The following SPINK5 variants were observed in gnomAD, a reference collection of about 807,000 sequenced individuals.
SPINK5 encodes serine protease inhibitor Kazal-type 5.
A neutral mutation model predicts 151.8 loss-of-function variants in SPINK5; 125 were observed. That is an observed-to-expected ratio of 0.82 (90% CI 0.71 to 0.96). The LOEUF is 0.96. Ranked by LOEUF, SPINK5 falls within the 40% of genes least tolerant of loss-of-function variation. The pLI, the probability that SPINK5 is intolerant of heterozygous loss-of-function variation, is 0.00. For missense variants in SPINK5, 1,194 were observed against 1,291.9 expected, an observed-to-expected ratio of 0.92 and a Z score of 1.16; for synonymous variants, 374 against 395.3, an observed-to-expected ratio of 0.95 and a Z score of 0.64.
At chr5:148,134,763 A>G (rs1754655839) in intron 32 of SPINK5, among the ~76,000 whole-genome samples, 1 of 152,090 alleles carries the variant, frequency 6.6e-6, no homozygotes. Flanking sequence ...TGATAAAATT[A>G]TGTGTAATAA....
chr5:148,119,163 C>G, intron 24 of SPINK5, 105 bp downstream of exon 24: 3 of 1,129,112 alleles, frequency 2.7e-6, no homozygotes, highest in Non-Finnish European at 4.0e-6. Context: ...TAGAGCTTGC[C>G]CTTAGAAGGT....
At chr5:148,066,010 T>C (rs1752574950) in intron 2 of SPINK5, among the ~76,000 whole-genome samples, 1 of 152,042 alleles carries the variant, frequency 6.6e-6, no homozygotes, top group Non-Finnish European at 1.5e-5. Flanking sequence ...GGAGGCATAA[T>C]AGGATCCCTG....
chr5:148,107,089 C>T lies in SPINK5; in HGVS notation c.1532C>T (p.Thr511Ile), dbSNP rs1561692539. 1.2e-6 allele frequency: 2 copies of T among 1,613,284 alleles called. No homozygotes were observed. Among genetic ancestry groups the T allele is most frequent in the Admixed American group, 1.7e-5 (1 of 59,982 alleles). ...GTGAGGAATGGAACACTTATATGCA[C>T]CAGGGAGCATAATCCTGTCCGTGGC... ...DQVRNGTLICTREHNPVRGPD... is the reference protein window; with the variant it reads ...DQVRNGTLICIREHNPVRGPD... Residue 511 changes from threonine to isoleucine, a missense_variant, in exon 17 of 33, where the codon ACC becomes ATC. By Grantham distance (89) the Thr-to-Ile change is moderately conservative (BLOSUM62 -1). Transcript: ENST00000256084.
intron 32 of SPINK5, among the ~76,000 whole-genome samples, chr5:148,136,747 A>G (rs541236629): frequency 1.3e-5 from 2 of 152,228 alleles, no homozygotes; most frequent in Non-Finnish European, 2.9e-5. Flanking sequence ...ATGTAATCAA[A>G]GGCAGAATTA....
In SPINK5 at chr5:148,106,815, C is replaced by T. The variant is rs561909384; in HGVS notation, c.1480-222C>T. ...CTTTTACAGACCATGCTATGCAACACAACACACACGTATGTTTTTGATGAT... is the reference window on the plus strand; with the variant it reads ...CTTTTACAGACCATGCTATGCAACATAACACACACGTATGTTTTTGATGAT... On this transcript the variant is annotated intron_variant, in intron 16 of 32. Transcript: ENST00000256084. 7.1e-4 allele frequency among the ~76,000 whole-genome samples: 108 copies of T among 152,230 alleles called. 1 individual carries two copies. Among genetic ancestry groups the T allele is most frequent in the Middle Eastern group, 3.4e-3 (1 of 294 alleles).
intron 32 of SPINK5, among the ~76,000 whole-genome samples, chr5:148,136,487 T>A (rs1041478676): frequency 6.6e-6 from 1 of 152,196 alleles, no homozygotes; most frequent in African/African-American, 2.4e-5. Context: ...AGATTATTTT[T>A]AAATATTCAT....
chr5:148,118,671 G>T, intron 23 of SPINK5, 107 bp downstream of exon 23: 7 of 1,488,756 alleles, frequency 4.7e-6, no homozygotes, highest in Non-Finnish European at 6.5e-6. Flanking sequence ...TATTCTTTTT[G>T]CTAATTTCCA....
In SPINK5 at chr5:148,119,075, GT is replaced by G; in HGVS notation, c.2313+21del. 1 of 1,612,974 alleles carries G rather than the reference GT, an allele frequency of 6.2e-7. No individual in the cohort carries two copies. The highest frequency in any genetic ancestry group is 8.5e-7 in the Non-Finnish European group (1 of 1,179,078). On this transcript the variant is annotated intron_variant, in intron 24 of 32. Coordinates refer to ENST00000256084, the MANE Select transcript of SPINK5 (RefSeq NM_006846.4). ...TCAGGGAAGGTGAGTTATTTTTTGG[GT>G]TTTGGCAAGAATCGTCTTTCTGTGA...
intron 3 of SPINK5, among the ~76,000 whole-genome samples, chr5:148,071,152 A>T (rs993123214): frequency 2.0e-4 from 31 of 152,222 alleles, no homozygotes; most frequent in African/African-American, 6.7e-4. Context: ...TTTGTTTTTG[A>T]AAAGGAAGGT....
intron 15 of SPINK5, among the ~76,000 whole-genome samples, chr5:148,102,433 A>C (rs1753672178): frequency 6.6e-6 from 1 of 152,144 alleles, no homozygotes; most frequent in Non-Finnish European, 1.5e-5. Flanking sequence ...CAACTATGTA[A>C]ATTGCTTGAT....
intron 4 of SPINK5, among the ~76,000 whole-genome samples, chr5:148,076,120 T>A (rs1022209947): frequency 6.6e-6 from 1 of 151,666 alleles, no homozygotes; most frequent in East Asian, 1.9e-4. Flanking sequence ...AATGCTGGAG[T>A]AGATGCAAAA....
intron 4 of SPINK5, among the ~76,000 whole-genome samples, chr5:148,074,208 C>T (rs1045544531): frequency 6.6e-6 from 1 of 151,778 alleles, no homozygotes; most frequent in Non-Finnish European, 1.5e-5. Flanking sequence ...TTTCCTCCTA[C>T]AGACATCCTC....
chr5:148,077,619 A>G (rs968924558), intron 4 of SPINK5, among the ~76,000 whole-genome samples: 18 of 135,648 alleles, frequency 1.3e-4, no homozygotes, highest in African/African-American at 4.9e-4. Context: ...GGCAACAATT[A>G]TAATGCTGTT....
At chr5:148,113,960 G>A (rs73271140) in intron 20 of SPINK5, among the ~76,000 whole-genome samples, 1,991 of 152,200 alleles carry the variant, frequency 0.013, 48 homozygotes, top group African/African-American at 0.045. Flanking sequence ...CATCCTCATT[G>A]AATTTCAACT....
At chr5:148,108,880 T>C in intron 18 of SPINK5, 43 bp downstream of exon 18, 1 of 1,607,670 alleles carries the variant, frequency 6.2e-7, no homozygotes, top group African/African-American at 1.3e-5. Context: ...TATTCAACGA[T>C]CACTCTCCCT....
chr5:148,124,230 C>T (rs1754370300), intron 27 of SPINK5, among the ~76,000 whole-genome samples: 1 of 152,160 alleles, frequency 6.6e-6, no homozygotes. Flanking sequence ...TGCAGAGCCT[C>T]AGTTCCTCCT....
chr5:148,086,996 A>G (rs1279614413), intron 5 of SPINK5, among the ~76,000 whole-genome samples: 1 of 151,022 alleles, frequency 6.6e-6, no homozygotes, highest in Non-Finnish European at 1.5e-5. Flanking sequence ...ATATATACAT[A>G]TATATACATA....
At chr5:148,121,430 C>A (rs1001067565) in intron 26 of SPINK5, among the ~76,000 whole-genome samples, 2 of 151,850 alleles carry the variant, frequency 1.3e-5, no homozygotes, top group East Asian at 3.9e-4. Context: ...GAAAATGAAA[C>A]CTTATTAGTA....
At chr5:148,097,357 A>G (rs919528304) in intron 10 of SPINK5, among the ~76,000 whole-genome samples, 1 of 151,928 alleles carries the variant, frequency 6.6e-6, no homozygotes, top group East Asian at 1.9e-4. Flanking sequence ...TCTTTATCCA[A>G]CTAATTATTT....
Sources: gnomAD v4.1 joint callset for allele counts (sites outside exome capture counted in the v4.1 genomes callset) on GRCh38, gnomAD v4.1.1 for gene constraint, MANE v1.5 for transcripts, NCBI Gene and HGNC (gene_info 2026-07-23, HGNC 2026-07-21) for gene names.